The following SULF1 variants were observed in gnomAD, a reference collection of about 807,000 sequenced individuals.
SULF1 encodes extracellular sulfatase Sulf-1.
SULF1 carries 46 observed loss-of-function variants against 110.5 expected under a neutral mutation model. The ratio of observed to expected loss-of-function variants is 0.42; its 90% CI spans 0.33 to 0.53. The LOEUF (loss-of-function observed/expected upper bound fraction) is 0.53, where lower values mean the gene tolerates loss of function less well. Ranked by LOEUF, SULF1 falls within the 20% of genes least tolerant of loss-of-function variation. The pLI is 0.12. For synonymous variants in SULF1, 371 were observed against 387.1 expected, an observed-to-expected ratio of 0.96 and a Z score of 0.49; for missense variants, 941 against 1,094.2, an observed-to-expected ratio of 0.86 and a Z score of 1.98.
intron 19 of SULF1, among the ~76,000 whole-genome samples, chr8:69,632,564 A>G (rs1004334963): frequency 2.0e-5 from 3 of 152,184 alleles, no homozygotes; most frequent in Non-Finnish European, 2.9e-5. Context: ...ATAACATGAA[A>G]AAAAGAAGAA....
At chr8:69,514,603 G>T (rs1208099400) in intron 3 of SULF1, among the ~76,000 whole-genome samples, 1 of 152,198 alleles carries the variant, frequency 6.6e-6, no homozygotes, top group Non-Finnish European at 1.5e-5. Context: ...GCCCCCTAAA[G>T]TGGGGGAGTG....
intron 15 of SULF1, among the ~76,000 whole-genome samples, chr8:69,625,741 T>G (rs1809955722): frequency 6.6e-6 from 1 of 152,164 alleles, no homozygotes; most frequent in Non-Finnish European, 1.5e-5. Flanking sequence ...GTAGCAAGAT[T>G]TATTGCAAAG....
At chr8:69,634,709 A>G (rs57344656) in intron 19 of SULF1, among the ~76,000 whole-genome samples, 2,451 of 152,194 alleles carry the variant, frequency 0.016, 63 homozygotes, top group African/African-American at 0.056. Flanking sequence ...TGCAGATCAC[A>G]CCACTGGGCG....
intron 22 of SULF1, among the ~76,000 whole-genome samples, chr8:69,647,717 A>T (rs978827723): frequency 1.3e-5 from 2 of 151,904 alleles, no homozygotes; most frequent in South Asian, 2.1e-4. Context: ...ACATGGAGAA[A>T]CCCTGTCTCT....
chr8:69,556,048 G>A (rs542779391), intron 3 of SULF1, among the ~76,000 whole-genome samples: 2 of 152,240 alleles, frequency 1.3e-5, no homozygotes, highest in East Asian at 1.9e-4. Flanking sequence ...TTTATACTGT[G>A]AGAAAGATTA....
chr8:69,506,150 A>C (rs1252815599), intron 3 of SULF1, among the ~76,000 whole-genome samples: 3 of 151,962 alleles, frequency 2.0e-5, no homozygotes, highest in African/African-American at 7.3e-5. Flanking sequence ...AGTTCTTTTA[A>C]ATTTGTGCAT....
chr8:69,470,592 C>T (rs1451207002), intron 1 of SULF1, among the ~76,000 whole-genome samples: 1 of 152,078 alleles, frequency 6.6e-6, no homozygotes, highest in Admixed American at 6.6e-5. Flanking sequence ...CAATGATCAT[C>T]TCACATGTGG....
chr8:69,599,135 G>A (rs980662938), intron 8 of SULF1, among the ~76,000 whole-genome samples: 1 of 152,020 alleles, frequency 6.6e-6, no homozygotes, highest in African/African-American at 2.4e-5. Flanking sequence ...AGATCCAGTG[G>A]AGGACTCGGT....
intron 6 of SULF1, among the ~76,000 whole-genome samples, chr8:69,585,358 C>T (rs1219421314): frequency 2.0e-5 from 3 of 152,182 alleles, no homozygotes; most frequent in Non-Finnish European, 4.4e-5. Flanking sequence ...AAATAACATC[C>T]TCTTGCTCTC....
intron 3 of SULF1, among the ~76,000 whole-genome samples, chr8:69,549,969 G>A (rs1397612735): frequency 1.3e-5 from 2 of 151,910 alleles, no homozygotes; most frequent in Non-Finnish European, 2.9e-5. Context: ...TGAAAGGGGG[G>A]CTGTACATGG....
intron 5 of SULF1, among the ~76,000 whole-genome samples, chr8:69,568,991 A>G (rs1805020341): frequency 6.6e-6 from 1 of 152,202 alleles, no homozygotes; most frequent in Non-Finnish European, 1.5e-5. Context: ...AAAATAAAAA[A>G]TGTTTGAGGG....
chr8:69,551,385 A>G (rs1233850178), intron 3 of SULF1, among the ~76,000 whole-genome samples: 2 of 152,218 alleles, frequency 1.3e-5, no homozygotes, highest in East Asian at 3.9e-4. Context: ...GAAAGAGAGT[A>G]CGTAGAAAGA....
chr8:69,614,008 C>T (rs1808876687), intron 13 of SULF1, among the ~76,000 whole-genome samples: 1 of 151,944 alleles, frequency 6.6e-6, no homozygotes, highest in African/African-American at 2.4e-5. Context: ...CAACCCAATA[C>T]TCATCTCCAT....
intron 3 of SULF1, among the ~76,000 whole-genome samples, chr8:69,561,970 G>C (rs145159444): frequency 1.6e-3 from 250 of 152,322 alleles, no homozygotes; most frequent in Non-Finnish European, 1.9e-3. Context: ...AGCAATCACT[G>C]TGGAATCACC....
At chr8:69,481,819 A>G (rs971503601) in intron 1 of SULF1, among the ~76,000 whole-genome samples, 3 of 152,080 alleles carry the variant, frequency 2.0e-5, no homozygotes, top group Non-Finnish European at 2.9e-5. Context: ...TATTCATACT[A>G]TTTTCAGCTA....
At chr8:69,485,320 CA>C (rs1327091781) in intron 1 of SULF1, among the ~76,000 whole-genome samples, 2 of 152,194 alleles carry the variant, frequency 1.3e-5, no homozygotes, top group African/African-American at 2.4e-5. Context: ...AGCACACAGA[CA>C]TCTTAAGTGC....
intron 13 of SULF1, among the ~76,000 whole-genome samples, chr8:69,611,006 A>C (rs1443230806): frequency 6.6e-6 from 1 of 152,246 alleles, no homozygotes; most frequent in African/African-American, 2.4e-5. Flanking sequence ...CTGAAGACTC[A>C]TACTGCCTTC....
chr8:69,644,753 G>C (rs1242290495), intron 22 of SULF1, among the ~76,000 whole-genome samples: 9 of 124,928 alleles, frequency 7.2e-5, no homozygotes, highest in Admixed American at 1.7e-4. Flanking sequence ...AGAGGGAGAC[G>C]CCGTCTCAAA....
At chr8:69,576,276 T>G in intron 6 of SULF1, 67 bp downstream of exon 6, 1 of 1,524,428 alleles carries the variant, frequency 6.6e-7, no homozygotes, top group Non-Finnish European at 8.8e-7. Flanking sequence ...AGAAGTGTCA[T>G]GTAATGAAAT....
Sources: gnomAD v4.1 joint callset for allele counts (sites outside exome capture counted in the v4.1 genomes callset) on GRCh38, gnomAD v4.1.1 for gene constraint, MANE v1.5 for transcripts, NCBI Gene and HGNC (gene_info 2026-07-23, HGNC 2026-07-21) for gene names.